TMEM132D: variants seen among roughly 807,000 people sequenced by gnomAD.
TMEM132D encodes the protein mature OL transmembrane protein.
A neutral mutation model predicts 62.3 loss-of-function variants in TMEM132D; 21 were observed. The observed-to-expected ratio is 0.34, with a 90% CI of 0.24 to 0.49. The LOEUF is 0.49. Among genes scored for constraint, TMEM132D ranks in the 20% least tolerant of loss-of-function variants. The pLI is 0.99. For synonymous variants in TMEM132D, 621 were observed against 575.6 expected (o/e 1.08, Z -1.13); for missense variants, 1,346 against 1,402.8 (o/e 0.96, Z 0.65).
At chr12:129,397,966 A>C (rs1871481247) in intron 3 of TMEM132D, among the ~76,000 whole-genome samples, 1 of 152,216 alleles carries the variant, frequency 6.6e-6, no homozygotes, top group African/African-American at 2.4e-5. Context: ...AAAATCCTAG[A>C]AAAACAGGTG....
chr12:129,589,653 G>A (rs1295667133), intron 2 of TMEM132D, among the ~76,000 whole-genome samples: 2 of 152,314 alleles, frequency 1.3e-5, no homozygotes, highest in Middle Eastern at 3.4e-3. Context: ...ACAACTAGCT[G>A]ATCTCCTTTG....
chr12:129,095,351 T>TG (rs1875076267), intron 5 of TMEM132D, among the ~76,000 whole-genome samples: 1 of 142,296 alleles, frequency 7.0e-6, no homozygotes, highest in East Asian at 2.1e-4. Flanking sequence ...TGCTGGTTTT[T>TG]TTTTTTTTTT....
At chr12:129,772,228 G>A (rs1035765364) in intron 1 of TMEM132D, among the ~76,000 whole-genome samples, 57 of 152,198 alleles carry the variant, frequency 3.7e-4, no homozygotes, top group African/African-American at 1.3e-3. Flanking sequence ...TTTCCTTTGA[G>A]TACTTTCATA....
At chr12:129,506,052 T>G (rs1875319837) in intron 3 of TMEM132D, among the ~76,000 whole-genome samples, 2 of 152,212 alleles carry the variant, frequency 1.3e-5, no homozygotes, top group Admixed American at 6.5e-5. Context: ...GAGGTTCTAT[T>G]CTATTCATCA....
intron 2 of TMEM132D, among the ~76,000 whole-genome samples, chr12:129,581,141 A>G (rs1283888750): frequency 6.6e-6 from 1 of 152,062 alleles, no homozygotes; most frequent in Non-Finnish European, 1.5e-5. Flanking sequence ...CTTTCTAGAG[A>G]TGGTTTCTTA....
chr12:129,781,282 G>A (rs190452563), intron 1 of TMEM132D, among the ~76,000 whole-genome samples: 2 of 152,188 alleles, frequency 1.3e-5, no homozygotes, highest in Admixed American at 1.3e-4. Flanking sequence ...TCTGACTTGT[G>A]TTTCATAGAA....
At chr12:129,668,183 T>C (rs1880421641) in intron 2 of TMEM132D, among the ~76,000 whole-genome samples, 1 of 149,056 alleles carries the variant, frequency 6.7e-6, no homozygotes, top group Non-Finnish European at 1.5e-5. Context: ...TTAGTATGTG[T>C]CCTAAGATTA....
At chr12:129,304,740 T>C (rs1881806385) in intron 4 of TMEM132D, among the ~76,000 whole-genome samples, 1 of 146,782 alleles carries the variant, frequency 6.8e-6, no homozygotes, top group African/African-American at 2.5e-5. Flanking sequence ...CTCAGCTCAC[T>C]GAAATCTCCG....
chr12:129,178,426 A>G (rs1028722754), intron 5 of TMEM132D, among the ~76,000 whole-genome samples: 2 of 127,638 alleles, frequency 1.6e-5, no homozygotes, highest in African/African-American at 5.8e-5. Context: ...CAATCTCACC[A>G]GCATCTGTTT....
chr12:129,140,235 C>CACAG (rs1261743388), intron 5 of TMEM132D, among the ~76,000 whole-genome samples: 1 of 151,698 alleles, frequency 6.6e-6, no homozygotes, highest in South Asian at 2.1e-4. Flanking sequence ...CACACACACA[C>CACAG]ACACACACGG....
At chr12:129,796,059 G>A (rs1871552878) in intron 1 of TMEM132D, among the ~76,000 whole-genome samples, 1 of 152,124 alleles carries the variant, frequency 6.6e-6, no homozygotes, top group Non-Finnish European at 1.5e-5. Flanking sequence ...AGAGGGCCAG[G>A]TGCGGTGGCT....
intron 2 of TMEM132D, among the ~76,000 whole-genome samples, chr12:129,687,705 C>T (rs1476209151): frequency 2.0e-5 from 3 of 151,994 alleles, no homozygotes; most frequent in Non-Finnish European, 2.9e-5. Context: ...AGGCACTCCT[C>T]GCTGCAAAAC....
At chr12:129,493,279 A>G (rs1218455143) in intron 3 of TMEM132D, among the ~76,000 whole-genome samples, 4 of 152,240 alleles carry the variant, frequency 2.6e-5, no homozygotes, top group African/African-American at 9.6e-5. Context: ...ATCACAATTA[A>G]TACAACCCAC....
intron 3 of TMEM132D, among the ~76,000 whole-genome samples, chr12:129,512,494 A>C (rs532764161): frequency 6.6e-6 from 1 of 152,352 alleles, no homozygotes; most frequent in Admixed American, 6.5e-5. Context: ...CATTGGTGAC[A>C]TCTTCTAAGT....
intron 5 of TMEM132D, among the ~76,000 whole-genome samples, chr12:129,094,745 C>T (rs1389622683): frequency 6.6e-5 from 10 of 152,026 alleles, no homozygotes; most frequent in South Asian, 2.1e-4. Flanking sequence ...ATGTTTATAG[C>T]GGCACTATTC....
intron 2 of TMEM132D, among the ~76,000 whole-genome samples, chr12:129,587,226 C>G (rs1172455010): frequency 6.6e-6 from 1 of 152,134 alleles, no homozygotes. Context: ...AGAATGAGAT[C>G]ATGTCCTTTA....
At chr12:129,658,283 A>C (rs1002432474) in intron 2 of TMEM132D, among the ~76,000 whole-genome samples, 9 of 152,212 alleles carry the variant, frequency 5.9e-5, no homozygotes, top group African/African-American at 2.2e-4. Flanking sequence ...AATAACTTAG[A>C]TAAAGTAACC....
chr12:129,452,286 G>GTGAGGACC (rs1873317137), intron 3 of TMEM132D, among the ~76,000 whole-genome samples: 1 of 152,234 alleles, frequency 6.6e-6, no homozygotes, highest in Non-Finnish European at 1.5e-5. Context: ...TCTGTTAATT[G>GTGAGGACC]TGAGGACCAC....
At chr12:129,743,637 G>A (rs969940388) in intron 1 of TMEM132D, among the ~76,000 whole-genome samples, 19 of 152,112 alleles carry the variant, frequency 1.2e-4, no homozygotes, top group Non-Finnish European at 2.4e-4. Flanking sequence ...AAATATGCTC[G>A]TGCCCTAATC....
Sources: allele counts gnomAD v4.1 joint callset (sites outside exome capture counted in the v4.1 genomes callset), GRCh38; gene constraint gnomAD v4.1.1; transcripts MANE v1.5; gene names NCBI Gene and HGNC (gene_info 2026-07-23, HGNC 2026-07-21).